DDX3X: variants seen among roughly 807,000 people sequenced by gnomAD.
The protein encoded by DDX3X is DEAD-box helicase 3 X-linked.
In DDX3X, 4 loss-of-function variants were observed where a neutral mutation model predicts 52.7. That is an observed-to-expected ratio of 0.08 (90% CI 0.04 to 0.17). DDX3X has a LOEUF of 0.17. Among genes scored for constraint, DDX3X ranks in the 10% least tolerant of loss-of-function variants. The probability of loss-of-function intolerance (pLI) is 1.00; values close to 1 mark genes in which losing one functional copy is unlikely to be tolerated. For missense variants in DDX3X, 222 were observed against 548.6 expected, an observed-to-expected ratio of 0.40 and a Z score of 5.95; for synonymous variants, 192 against 178.1, an observed-to-expected ratio of 1.08 and a Z score of -0.62.
downstream of DDX3X, among the ~76,000 whole-genome samples, chrX:41,354,822 TTTGTTGTTG>T (rs200807872): frequency 1.4e-4 from 15 of 104,900 alleles, 1 homozygote; most frequent in African/African-American, 4.6e-4. Context: ...TGTAAATAGT[TTTGTTGTTG>T]TTGTTGTTGT....
chrX:41,340,707 C>T (rs968997169), intron 3 of DDX3X: 1 of 293,036 alleles, frequency 3.4e-6, no homozygotes, highest in East Asian at 4.8e-5. Flanking sequence ...CATTAGTGTT[C>T]TTGTACTTTA....
At chrX:41,351,114 G>A (rs1402818853), downstream of DDX3X, 1 of 111,544 alleles carries the variant, frequency 9.0e-6, no homozygotes, top group East Asian at 2.8e-4. Context: ...AAAGGTTTGG[G>A]ATTGCTAGAT....
Position 41,343,318 on chromosome X carries a change from G to C in DDX3X, c.646G>C (p.Glu216Gln). 1 of 1,204,807 alleles carries C rather than the reference G, an allele frequency of 8.3e-7. No homozygotes were observed. Among genetic ancestry groups the C allele is most frequent in the African/African-American group, 1.7e-5 (1 of 57,474 alleles). Residue 216 changes from glutamate to glutamine, a missense_variant, in exon 7 of 17, where the codon GAG becomes CAG. Glu to Gln is a conservative substitution (Grantham distance 29, BLOSUM62 2). Coordinates refer to ENST00000644876, the MANE Select transcript of DDX3X (RefSeq NM_001356.5). ...AAAGCATGCTATTCCTATTATCAAAGAGAAAAGAGACTTGATGGCTTGTGC... is the reference window on the plus strand; with the variant it reads ...AAAGCATGCTATTCCTATTATCAAACAGAAAAGAGACTTGATGGCTTGTGC... ...VQKHAIPIIK[E>Q]KRDLMACAQT...
In DDX3X at chrX:41,343,476, G is replaced by T. The variant is rs59846147; in HGVS notation, c.679+125G>T. ...TCTGCGCTGCTATTGGACTGTGAAA[G>T]AAGCCATAGATGATACATAAATTAT... is the stretch of plus-strand genomic sequence containing the variant. On this transcript the variant is annotated intron_variant, in intron 7 of 16. Coordinates refer to ENST00000644876, the MANE Select transcript of DDX3X (RefSeq NM_001356.5). The T allele has an allele frequency of 0.08, 50,432 of 633,263 alleles. 2,240 individuals carry two copies. Among genetic ancestry groups the T allele is most frequent in the East Asian group, 0.35 (9,457 of 27,061 alleles). 52.2% of individuals were successfully genotyped at this position (633,263 alleles called of 1,213,427 possible). A position where few individuals can be genotyped will look rare whatever the true frequency, so the allele number is the denominator to read the frequency against.
intron 2 of DDX3X, chrX:41,337,714 C>T: frequency 7.9e-6 from 2 of 253,918 alleles, no homozygotes; most frequent in Non-Finnish European, 1.4e-5. Flanking sequence ...GGTGTGATCT[C>T]GGCTCACCGC....
At chrX:41,334,961 C>G in intron 1 of DDX3X, 1 of 182,754 alleles carries the variant, frequency 5.5e-6, no homozygotes, top group South Asian at 1.1e-4. Flanking sequence ...CTGGCTTTTT[C>G]GCTTCAGCCC....
chrX:41,346,149 C>G, intron 12 of DDX3X, 80 bp from the exon 13 acceptor site: 1 of 834,414 alleles, frequency 1.2e-6, no homozygotes, highest in Non-Finnish European at 1.7e-6. Context: ...TTTTAATTGA[C>G]ACATTAAAAT....
chrX:41,341,411 AGATT>A, intron 3 of DDX3X, 69 bp from the exon 4 acceptor site: 3 of 921,330 alleles, frequency 3.3e-6, no homozygotes, highest in Middle Eastern at 3.4e-4. Context: ...AAATTCAGAA[AGATT>A]GATAATACCT....
intron 2 of DDX3X, chrX:41,338,170 G>A (rs1471895566): frequency 9.0e-6 from 1 of 110,574 alleles, no homozygotes. Flanking sequence ...GATCTTGGTG[G>A]TTTATTATAA....
Position 41,348,265 on chromosome X carries a change from A to G in DDX3X, c.*546A>G. 7.1e-6 allele frequency: 1 copy of G among 141,701 alleles called. No homozygotes were observed. The highest frequency in any genetic ancestry group is 1.4e-5 in the Non-Finnish European group (1 of 72,107). The allele number at this position is 141,701 out of a possible 1,213,427, so 11.7% of individuals were successfully genotyped here. ...TACTTGCAGATTGGGGGAAAACAAC[A>G]AATGTCTTGAAGCATATTAATGGAA... On this transcript the variant is annotated 3_prime_UTR_variant, in exon 17 of 17. Transcript: ENST00000644876.
chrX:41,342,226 A>G (rs1204840857), intron 4 of DDX3X: 1 of 289,597 alleles, frequency 3.5e-6, no homozygotes, highest in Non-Finnish European at 6.0e-6. Flanking sequence ...TGCCGATTTC[A>G]AATAAAATCC....
At chrX:41,337,772 A>ATAGC (rs2063793308) in intron 2 of DDX3X, 1 of 174,097 alleles carries the variant, frequency 5.7e-6, no homozygotes, top group Admixed American at 8.3e-5. Context: ...AGCCTCCCGA[A>ATAGC]TAGCTGTGCC....
At chrX:41,363,660 G>A (rs1410071535) in intron 5 of DDX3X, among the ~76,000 whole-genome samples, 2 of 110,090 alleles carry the variant, frequency 1.8e-5, no homozygotes, top group Admixed American at 9.8e-5. Context: ...GCGCATGCCT[G>A]TAATCCCAGC....
At chrX:41,358,481 T>A (rs1269231548) in intron 5 of DDX3X, among the ~76,000 whole-genome samples, 2 of 112,113 alleles carry the variant, frequency 1.8e-5, no homozygotes, top group Non-Finnish European at 3.8e-5. Flanking sequence ...AGTTTCATCT[T>A]CTTAAAACTC....
chrX:41,340,762 C>T, intron 3 of DDX3X: 1 of 296,585 alleles, frequency 3.4e-6, no homozygotes, highest in African/African-American at 2.7e-5. Flanking sequence ...AGTAATCTGA[C>T]AGTCTATGAA....
intron 10 of DDX3X, among the ~76,000 whole-genome samples, chrX:41,344,891 T>C (rs748554040): frequency 1.2e-3 from 130 of 112,038 alleles, no homozygotes; most frequent in Non-Finnish European, 1.8e-3. Context: ...GTAATTTTAA[T>C]GTTGAAAAAT....
downstream of DDX3X, among the ~76,000 whole-genome samples, chrX:41,353,770 CAAAA>C (rs948478529): frequency 3.1e-5 from 3 of 97,778 alleles, no homozygotes; most frequent in Non-Finnish European, 6.2e-5. Flanking sequence ...GGTTCCATCT[CAAAA>C]AAAAAAAATC....
chrX:41,351,688 T>G (rs1409051954), downstream of DDX3X: 5 of 111,921 alleles, frequency 4.5e-5, no homozygotes, highest in African/African-American at 1.6e-4. Flanking sequence ...CTTCATGTCC[T>G]CATTTCAGTT....
chrX:41,356,929 C>CTTTTTTTT (rs35577255), intron 5 of DDX3X, among the ~76,000 whole-genome samples: 3 of 55,912 alleles, frequency 5.4e-5, no homozygotes, highest in Non-Finnish European at 9.0e-5. Flanking sequence ...CACACTAATT[C>CTTTTTTTT]TTTTTTTTTT....
Sources: allele counts gnomAD v4.1 joint callset (sites outside exome capture counted in the v4.1 genomes callset), GRCh38; gene constraint gnomAD v4.1.1; transcripts MANE v1.5; gene names NCBI Gene and HGNC (gene_info 2026-07-23, HGNC 2026-07-21).